FHIT: variants seen among roughly 807,000 people sequenced by gnomAD.
FHIT encodes the protein bis(5'-adenosyl)-triphosphatase.
A neutral mutation model predicts 17.9 loss-of-function variants in FHIT; 19 were observed. That is an observed-to-expected ratio of 1.06 (90% CI 0.74 to 1.56). The LOEUF is 1.56. FHIT is among the 40% of genes most tolerant of loss of function. The probability of loss-of-function intolerance (pLI) is 0.00; values close to 1 mark genes in which losing one functional copy is unlikely to be tolerated. For missense variants in FHIT, 248 were observed against 189.2 expected (o/e 1.31, Z -1.82); for synonymous variants, 81 against 69.7 (o/e 1.16, Z -0.81).
intron 5 of FHIT, among the ~76,000 whole-genome samples, chr3:60,252,847 A>G (rs1024953337): frequency 6.6e-6 from 1 of 151,756 alleles, no homozygotes; most frequent in Non-Finnish European, 1.5e-5. Context: ...TACAAAAAAA[A>G]ATTAGCCGGG....
chr3:59,812,395 C>T (rs2107050587), intron 8 of FHIT, among the ~76,000 whole-genome samples: 1 of 152,290 alleles, frequency 6.6e-6, no homozygotes, highest in Middle Eastern at 3.4e-3. Context: ...CTGAGTCAGA[C>T]TGGAAGAAGT....
At chr3:61,204,633 A>C (rs1449622546) in intron 1 of FHIT, among the ~76,000 whole-genome samples, 2 of 122,166 alleles carry the variant, frequency 1.6e-5, no homozygotes, top group African/African-American at 6.0e-5. Flanking sequence ...ATTTTATCAA[A>C]ACGAATGTTT....
chr3:60,179,285 A>G (rs1366878362), intron 5 of FHIT, among the ~76,000 whole-genome samples: 1 of 152,212 alleles, frequency 6.6e-6, no homozygotes, highest in Non-Finnish European at 1.5e-5. Flanking sequence ...TCCCAGAGTT[A>G]AGAGACGGCA....
chr3:61,203,775 A>C (rs189741519), intron 1 of FHIT, among the ~76,000 whole-genome samples: 15 of 152,382 alleles, frequency 9.8e-5, no homozygotes, highest in Non-Finnish European at 4.4e-5. Flanking sequence ...AATACTACTT[A>C]AGGCATTAAA....
intron 2 of FHIT, among the ~76,000 whole-genome samples, chr3:61,076,168 A>G (rs1296713352): frequency 2.6e-5 from 4 of 152,212 alleles, no homozygotes; most frequent in Non-Finnish European, 5.9e-5. Context: ...ATAATCTGCG[A>G]TATCAACCCC....
At chr3:60,372,444 A>G (rs17062857) in intron 5 of FHIT, among the ~76,000 whole-genome samples, 2,651 of 152,294 alleles carry the variant, frequency 0.017, 70 homozygotes, top group African/African-American at 0.057. Context: ...AGTTAATGTC[A>G]TGAGTCTGTC....
intron 5 of FHIT, among the ~76,000 whole-genome samples, chr3:60,492,330 AT>A (rs1322357638): frequency 6.6e-6 from 1 of 152,212 alleles, no homozygotes; most frequent in African/African-American, 2.4e-5. Flanking sequence ...TGTTTCTCAC[AT>A]TTGAGCATTA....
At chr3:61,225,064 C>T (rs2039935248) in intron 1 of FHIT, among the ~76,000 whole-genome samples, 1 of 152,128 alleles carries the variant, frequency 6.6e-6, no homozygotes, top group Non-Finnish European at 1.5e-5. Flanking sequence ...AGTTTAAGTG[C>T]AAATCCAAGT....
intron 7 of FHIT, among the ~76,000 whole-genome samples, chr3:59,962,344 T>G (rs921777231): frequency 6.6e-6 from 1 of 152,240 alleles, no homozygotes; most frequent in African/African-American, 2.4e-5. Context: ...AAGAGCTACT[T>G]CATTTCATTG....
chr3:60,381,864 C>A lies in FHIT; in HGVS notation c.103+154996G>T, dbSNP rs200780918. On this transcript the variant is annotated intron_variant, in intron 5 of 9. Coordinates refer to ENST00000492590, the MANE Select transcript of FHIT (RefSeq NM_002012.4). ...GCGTGTTCAGAACACCCACAGTAAACAATCCCAAATCCAAACATGTGTCTC... is the reference window on the plus strand; with the variant it reads ...GCGTGTTCAGAACACCCACAGTAAAAAATCCCAAATCCAAACATGTGTCTC... 2.0e-5 allele frequency among the ~76,000 whole-genome samples: 3 copies of A among 152,144 alleles called. No individual in the cohort carries two copies. In the East Asian group the frequency reaches 5.8e-4, roughly 29 times the overall value.
intron 4 of FHIT, among the ~76,000 whole-genome samples, chr3:60,695,427 G>A (rs904891222): frequency 1.3e-5 from 2 of 152,200 alleles, no homozygotes; most frequent in East Asian, 3.9e-4. Context: ...ATATATAAAT[G>A]TTTTCATTTG....
chr3:60,346,069 G>T (rs755904850), intron 5 of FHIT, among the ~76,000 whole-genome samples: 2 of 152,134 alleles, frequency 1.3e-5, no homozygotes, highest in Non-Finnish European at 2.9e-5. Context: ...CTGGTTTAAC[G>T]TAATAGAGAA....
chr3:59,990,813 G>A (rs1039169513), intron 7 of FHIT, among the ~76,000 whole-genome samples: 16 of 151,988 alleles, frequency 1.1e-4, no homozygotes, highest in African/African-American at 3.9e-4. Flanking sequence ...TAGAACAGAG[G>A]CAAGACTGCT....
At chr3:60,050,747 C>T (rs1701837788) in intron 5 of FHIT, among the ~76,000 whole-genome samples, 1 of 152,146 alleles carries the variant, frequency 6.6e-6, no homozygotes, top group Admixed American at 6.6e-5. Context: ...TTTATGAGCT[C>T]CTTACGGACA....
chr3:60,101,031 C>G (rs1704169163), intron 5 of FHIT, among the ~76,000 whole-genome samples: 1 of 152,140 alleles, frequency 6.6e-6, no homozygotes, highest in South Asian at 2.1e-4. Flanking sequence ...ACACTTCTTT[C>G]TGTCTCAAAG....
chr3:60,767,224 C>G (rs574317072), intron 4 of FHIT, among the ~76,000 whole-genome samples: 183 of 152,214 alleles, frequency 1.2e-3, no homozygotes, highest in African/African-American at 4.2e-3. Context: ...AACCAAAAGG[C>G]AAGTGAATCT....
At chr3:60,056,214 G>A (rs933284333) in intron 5 of FHIT, among the ~76,000 whole-genome samples, 7 of 152,152 alleles carry the variant, frequency 4.6e-5, no homozygotes, top group African/African-American at 1.7e-4. Flanking sequence ...CTTGGCTACA[G>A]CTCTTAAGAG....
intron 4 of FHIT, among the ~76,000 whole-genome samples, chr3:60,587,777 G>A (rs1335344362): frequency 6.6e-6 from 1 of 151,930 alleles, no homozygotes; most frequent in African/African-American, 2.4e-5. Context: ...TAGGCTGTAT[G>A]CCTATATTTT....
rs555547586 is a variant in FHIT at position 60,277,702 on chromosome 3, G to C, written c.103+259158C>G. ...TAAACTCCAATGCACTCTGCCACAGGCTGGAAGTCTCATTCAGGCACCCTT... is the reference window on the plus strand; with the variant it reads ...TAAACTCCAATGCACTCTGCCACAGCCTGGAAGTCTCATTCAGGCACCCTT... On this transcript the variant is annotated intron_variant, in intron 5 of 9. Coordinates refer to ENST00000492590, the MANE Select transcript of FHIT (RefSeq NM_002012.4). 4.3e-4 allele frequency among the ~76,000 whole-genome samples: 66 copies of C among 152,194 alleles called. No homozygotes were observed. The South Asian group carries it at 0.013, about 29-fold the overall frequency.
Sources: gnomAD v4.1 joint callset for allele counts (sites outside exome capture counted in the v4.1 genomes callset) on GRCh38, gnomAD v4.1.1 for gene constraint, MANE v1.5 for transcripts, NCBI Gene and HGNC (gene_info 2026-07-23, HGNC 2026-07-21) for gene names.